The following LITAF variants were observed in gnomAD, a reference collection of about 807,000 sequenced individuals.
LITAF encodes lipopolysaccharide-induced tumor necrosis factor-alpha factor.
Under a neutral mutation model 14.5 loss-of-function variants are expected in LITAF, and 9 were observed. The ratio of observed to expected loss-of-function variants is 0.62; its 90% CI spans 0.37 to 1.08. The LOEUF (loss-of-function observed/expected upper bound fraction) is 1.08, where lower values mean the gene tolerates loss of function less well. Ranked by LOEUF, LITAF falls within the 50% of genes least tolerant of loss-of-function variation. LITAF has a pLI of 0.01. For synonymous variants in LITAF, 98 were observed against 88.2 expected (o/e 1.11, Z -0.62); for missense variants, 206 against 213.4 (o/e 0.97, Z 0.22).
At chr16:11,628,507 T>G (rs2065098318) in intron 3 of LITAF, among the ~76,000 whole-genome samples, 1 of 152,178 alleles carries the variant, frequency 6.6e-6, no homozygotes, top group Non-Finnish European at 1.5e-5. Context: ...TATTTTTTTA[T>G]TTTTTTGTTT....
chr16:11,638,048 A>C (rs1299659728), upstream of LITAF, among the ~76,000 whole-genome samples: 29 of 107,066 alleles, frequency 2.7e-4, 3 homozygotes, highest in Admixed American at 1.8e-3. Context: ...ATATCTATAT[A>C]TATATCTATA....
intron 1 of LITAF, among the ~76,000 whole-genome samples, chr16:11,566,206 T>G (rs1216796960): frequency 2.0e-5 from 3 of 152,144 alleles, no homozygotes; most frequent in African/African-American, 7.2e-5. Context: ...ATAGACCCCA[T>G]AAGAGCAGGA....
intron 3 of LITAF, among the ~76,000 whole-genome samples, chr16:11,628,494 T>C (rs964556500): frequency 1.3e-5 from 2 of 152,146 alleles, no homozygotes; most frequent in East Asian, 1.9e-4. Context: ...TCTTGACCCT[T>C]TCTATTTTTT....
chr16:11,605,164 A>T lies in LITAF; in HGVS notation c.85+28369T>A, dbSNP rs540614261. On this transcript the variant is annotated intron_variant, in intron 3 of 3. Transcript: ENST00000574848. The surrounding 1 kb of genome is among the most constrained non-coding windows in gnomAD (Gnocchi z 4.7). Reference sequence around the variant, plus strand: ...CTCTCTCTCTCTCTCCACTGTGCAAACAGGGAGCCCAAGCTCTCAGCATCC... The same window carrying T: ...CTCTCTCTCTCTCTCCACTGTGCAATCAGGGAGCCCAAGCTCTCAGCATCC... Among the ~76,000 whole-genome samples the T allele has an allele frequency of 2.6e-5, 4 of 152,214 alleles. No homozygotes were observed. Among genetic ancestry groups the T allele is most frequent in the Middle Eastern group, 6.8e-3 (2 of 294 alleles).
At chr16:11,575,835 C>A (rs1217965604) in intron 1 of LITAF, among the ~76,000 whole-genome samples, 1 of 152,014 alleles carries the variant, frequency 6.6e-6, no homozygotes, top group Admixed American at 6.6e-5. Context: ...GTAAACATTC[C>A]CCCGAAAAAA....
chr16:11,618,707 G>C (rs1362016221), intron 3 of LITAF, among the ~76,000 whole-genome samples: 1 of 152,144 alleles, frequency 6.6e-6, no homozygotes, highest in African/African-American at 2.4e-5. Context: ...CGCACTGGCC[G>C]GCCGCGGGGG....
At chr16:11,595,076 T>C (rs902781128) in intron 1 of LITAF, among the ~76,000 whole-genome samples, 2 of 152,190 alleles carry the variant, frequency 1.3e-5, no homozygotes, top group Non-Finnish European at 2.9e-5. Flanking sequence ...CAGTTGCCAG[T>C]AAACAGCCCC....
At chr16:11,633,182 G>A (rs533165861) in intron 3 of LITAF, among the ~76,000 whole-genome samples, 1 of 152,236 alleles carries the variant, frequency 6.6e-6, no homozygotes, top group African/African-American at 2.4e-5. Flanking sequence ...CCATCCACAC[G>A]GACCTGGGGC....
intron 3 of LITAF, among the ~76,000 whole-genome samples, chr16:11,624,855 C>G (rs945378510): frequency 1.3e-5 from 2 of 152,142 alleles, no homozygotes; most frequent in African/African-American, 4.8e-5. Context: ...GTAGAAGTGA[C>G]TCTACAAATT....
At chr16:11,610,966 G>A (rs868486405) in intron 3 of LITAF, among the ~76,000 whole-genome samples, 1 of 151,952 alleles carries the variant, frequency 6.6e-6, no homozygotes, top group Non-Finnish European at 1.5e-5. Flanking sequence ...CCCAGCTACC[G>A]AAATCTAAGG....
chr16:11,599,147 C>A (rs2064912337), upstream of LITAF, among the ~76,000 whole-genome samples: 1 of 151,276 alleles, frequency 6.6e-6, no homozygotes, highest in East Asian at 1.9e-4. Flanking sequence ...GGGACAGAGT[C>A]TCACTCTGTC....
In LITAF at chr16:11,586,268, G is replaced by T. The variant is rs962811879; in HGVS notation, c.-6+618C>A. The T allele has an allele frequency of 6.6e-6, 1 of 152,232 alleles. No individual in the cohort carries two copies. The highest frequency in any genetic ancestry group is 2.4e-5 in the African/African-American group (1 of 41,466). 9.4% of individuals were successfully genotyped at this position (152,232 alleles called of 1,614,324 possible). A position where few individuals can be genotyped will look rare whatever the true frequency, so the allele number is the denominator to read the frequency against. On this transcript the variant is annotated intron_variant, in intron 1 of 3. Transcript: ENST00000622633. The surrounding 1 kb of genome is among the most constrained non-coding windows in gnomAD (Gnocchi z 6.5). ...CCGCGGGGAGGGGTCAGGCCTAGGG[G>T]CCACGGCCCGCTTCGCTCTCTGATT...
In LITAF at chr16:11,549,857, A is replaced by G; in HGVS notation, c.378-112T>C. 1 of 867,512 alleles carries G rather than the reference A, an allele frequency of 1.2e-6. No homozygotes were observed. Among genetic ancestry groups the G allele is most frequent in the Non-Finnish European group, 1.9e-6 (1 of 531,118 alleles). The allele number at this position is 867,512 out of a possible 1,614,324, so 53.7% of individuals were successfully genotyped here. Reference sequence around the variant, plus strand: ...TGTAAAAAGGGTCTTTGCCAGTATAATTAGGAATTTTGAGATGGGATCATC... The same window carrying G: ...TGTAAAAAGGGTCTTTGCCAGTATAGTTAGGAATTTTGAGATGGGATCATC... On this transcript the variant is annotated intron_variant, in intron 3 of 3. Transcript: ENST00000622633. The surrounding 1 kb of genome is among the most constrained non-coding windows in gnomAD (Gnocchi z 4.6).
rs2013719 is a variant in LITAF, at chr16:11,553,254, A to C, written c.377+279T>G. Reference sequence around the variant, plus strand: ...GCCAAGATGGTGAAATGCCAGCTCTACTAAAAATAAGCTGGGCGTGGTTGT... The same window carrying C: ...GCCAAGATGGTGAAATGCCAGCTCTCCTAAAAATAAGCTGGGCGTGGTTGT... On this transcript the variant is annotated intron_variant, in intron 3 of 3. Transcript: ENST00000622633. The surrounding 1 kb of genome is among the most constrained non-coding windows in gnomAD (Gnocchi z 7.7). Among the ~76,000 whole-genome samples, 44,465 of 151,976 alleles carry C rather than the reference A, an allele frequency of 0.29. 6,837 individuals carry two copies. The highest frequency in any genetic ancestry group is 0.39 in the African/African-American group (16,232 of 41,408).
chr16:11,553,838 T>A lies in LITAF; in HGVS notation c.221-149A>T. ...AGCATGCGTTCATCGTCTGGCTATCTATGAGAGCCAAAAGGGGAAGGAACA... is the reference window on the plus strand; with the variant it reads ...AGCATGCGTTCATCGTCTGGCTATCAATGAGAGCCAAAAGGGGAAGGAACA... On this transcript the variant is annotated intron_variant, in intron 2 of 3. Transcript: ENST00000622633. The surrounding 1 kb of genome is among the most constrained non-coding windows in gnomAD (Gnocchi z 7.7). The A allele has an allele frequency of 1.2e-6, 1 of 858,146 alleles. No individual in the cohort carries two copies. The highest frequency in any genetic ancestry group is 1.8e-6 in the Non-Finnish European group (1 of 543,386). 53.2% of individuals were successfully genotyped at this position (858,146 alleles called of 1,614,324 possible).
upstream of LITAF, among the ~76,000 whole-genome samples, chr16:11,637,147 T>C (rs2065141343): frequency 6.6e-6 from 1 of 152,214 alleles, no homozygotes; most frequent in Non-Finnish European, 1.5e-5. Flanking sequence ...CACCTCGGCC[T>C]CCCACAGTGC....
At chr16:11,592,941 T>G (rs1397761244) in intron 1 of LITAF, among the ~76,000 whole-genome samples, 2 of 151,722 alleles carry the variant, frequency 1.3e-5, no homozygotes, top group Non-Finnish European at 2.9e-5. Flanking sequence ...GAGGCCGAGG[T>G]GGGTTGATCA....
intron 1 of LITAF, among the ~76,000 whole-genome samples, chr16:11,569,568 CCT>C (rs1398208096): frequency 6.6e-6 from 1 of 152,102 alleles, no homozygotes; most frequent in African/African-American, 2.4e-5. Flanking sequence ...TGTGTGTCCC[CCT>C]GTTATTTACA....
rs1275476104 is a variant in LITAF at position 11,616,134 on chromosome 16, C to G, written c.85+17399G>C. ...CCCTACATTCAGGGCCCTTCCAGAC[C>G]CCACCCTATGCTCCTGTGCATCTGG... On this transcript the variant is annotated intron_variant, in intron 3 of 3. Coordinates refer to the LITAF transcript ENST00000574848. Among the ~76,000 whole-genome samples, 3 of 152,124 alleles carry G rather than the reference C, an allele frequency of 2.0e-5. No individual in the cohort carries two copies. In the East Asian group the frequency reaches 5.8e-4, roughly 29 times the overall value.
Sources: allele counts gnomAD v4.1 joint callset (sites outside exome capture counted in the v4.1 genomes callset), GRCh38; gene constraint gnomAD v4.1.1; non-coding constraint Gnocchi (gnomAD v3.1); transcripts MANE v1.5; gene names NCBI Gene and HGNC (gene_info 2026-07-23, HGNC 2026-07-21).